Variants in DMD observed in about 807,000 individuals in gnomAD.
DMD encodes mutant dystrophin.
Under a neutral mutation model 330.1 loss-of-function variants are expected in DMD, and 63 were observed. The ratio of observed to expected loss-of-function variants is 0.19; its 90% CI spans 0.16 to 0.24. The LOEUF (loss-of-function observed/expected upper bound fraction) is 0.24. Ranked by LOEUF, DMD falls within the 10% of genes least tolerant of loss-of-function variation. The pLI is 1.00. For missense variants in DMD, 3,344 were observed against 2,684.1 expected (o/e 1.25, Z -5.43); for synonymous variants, 1,223 against 959.8 (o/e 1.27, Z -5.07).
chrX:33,019,604 A>C (rs987824968), intron 2 of DMD, among the ~76,000 whole-genome samples: 16 of 111,692 alleles, frequency 1.4e-4, no homozygotes, highest in African/African-American at 5.2e-4. Flanking sequence ...TTGATTAAAA[A>C]TTGAGTTGTA....
At chrX:32,501,937 G>T in intron 18 of DMD, 95 bp from the exon 19 acceptor site, 1 of 641,823 alleles carries the variant, frequency 1.6e-6, no homozygotes, top group Non-Finnish European at 2.5e-6. Context: ...GCCTTAAGAT[G>T]TTTCACTCTG....
At chrX:33,047,733 T>A (rs1264579498) in intron 1 of DMD, among the ~76,000 whole-genome samples, 7 of 112,152 alleles carry the variant, frequency 6.2e-5, no homozygotes, top group Admixed American at 3.8e-4. Flanking sequence ...TAATCTTTTT[T>A]AAAAACTTAG....
intron 44 of DMD, among the ~76,000 whole-genome samples, chrX:32,185,807 G>A (rs998491041): frequency 1.0e-4 from 11 of 110,007 alleles, no homozygotes; most frequent in African/African-American, 3.7e-4. Flanking sequence ...ATAATGTATA[G>A]CACAGAGACA....
chrX:32,829,259 A>G (rs778269369), intron 4 of DMD, among the ~76,000 whole-genome samples: 1 of 111,715 alleles, frequency 9.0e-6, no homozygotes, highest in South Asian at 3.7e-4. Flanking sequence ...TCATTTGTAA[A>G]GAATCCTACT....
At chrX:32,614,524 C>A in intron 11 of DMD, 71 bp from the exon 12 acceptor site, 1 of 923,066 alleles carries the variant, frequency 1.1e-6, no homozygotes, top group Non-Finnish European at 1.5e-6. Context: ...CAATGTAAAA[C>A]AATAGAATTT....
In DMD at chrX:32,362,926, T is replaced by C. The variant is rs1037540075; in HGVS notation, c.5187A>G (p.Pro1729=). The C allele has an allele frequency of 8.3e-7, 1 of 1,209,045 alleles. No individual in the cohort carries two copies. ...RLKAELNDIR[P]KVDSTRDQAA... is the part of the protein sequence containing the mutation. ...CTTGGTCACGTGTAGAGTCCACCTT[T>C]GGGCGTATGTCATTCAGTTCTGCCT... The change falls in exon 37 of 79, where the codon CCA becomes CCG. Residue 1729 remains proline, a synonymous_variant. Transcript: ENST00000357033.
chrX:33,045,534 T>C (rs1043163610), intron 1 of DMD, among the ~76,000 whole-genome samples: 29 of 110,882 alleles, frequency 2.6e-4, no homozygotes, highest in African/African-American at 9.2e-4. Flanking sequence ...CATAAACAGA[T>C]ATAGAAGAAT....
intron 61 of DMD, among the ~76,000 whole-genome samples, chrX:31,341,891 GCACACACACACA>G (rs58867858): frequency 0.063 from 6,194 of 98,811 alleles, 189 homozygotes; most frequent in Non-Finnish European, 0.088. Flanking sequence ...GTGCGCGCGC[GCACACACACACA>G]CACACACACA....
At chrX:31,517,180 G>A (rs1448664835) in intron 55 of DMD, among the ~76,000 whole-genome samples, 1 of 111,591 alleles carries the variant, frequency 9.0e-6, no homozygotes, top group Non-Finnish European at 1.9e-5. Flanking sequence ...TCTATAAGTA[G>A]GGCCGATAAT....
intron 21 of DMD, among the ~76,000 whole-genome samples, chrX:32,483,073 T>C (rs1281076465): frequency 9.9e-6 from 1 of 101,324 alleles, no homozygotes; most frequent in African/African-American, 3.5e-5. Context: ...CATACACATG[T>C]GCAATTATTT....
At chrX:32,250,146 G>A (rs192200479) in intron 43 of DMD, among the ~76,000 whole-genome samples, 130 of 110,604 alleles carry the variant, frequency 1.2e-3, no homozygotes, top group Non-Finnish European at 2.2e-3. Context: ...TCTCAATGGA[G>A]GATTTTTAGG....
intron 60 of DMD, among the ~76,000 whole-genome samples, chrX:31,379,257 G>A (rs998672591): frequency 9.0e-6 from 1 of 110,803 alleles, no homozygotes; most frequent in African/African-American, 3.3e-5. Flanking sequence ...CCTCACACCC[G>A]GTCCGGCTTA....
intron 30 of DMD, among the ~76,000 whole-genome samples, chrX:32,398,528 G>C (rs779225496): frequency 2.2e-4 from 24 of 110,757 alleles, no homozygotes; most frequent in African/African-American, 7.5e-4. Flanking sequence ...AAAATCTCCA[G>C]CAGAGAAGTA....
chrX:31,493,059 C>A (rs773350368), intron 57 of DMD, among the ~76,000 whole-genome samples: 3 of 111,784 alleles, frequency 2.7e-5, no homozygotes, highest in African/African-American at 9.8e-5. Flanking sequence ...AGTAGCTCTA[C>A]ACACTTTACA....
intron 59 of DMD, among the ~76,000 whole-genome samples, chrX:31,469,475 CTTT>C (rs752609715): frequency 2.4e-4 from 27 of 112,060 alleles, no homozygotes; most frequent in Middle Eastern, 4.6e-3. Flanking sequence ...AAATTCTTTT[CTTT>C]AAGAATGTTG....
At position 32,562,092 on chromosome X, in the gene DMD, T is replaced by C. The variant is rs781341243; in HGVS notation, c.1992+3610A>G. 9.9e-4 allele frequency among the ~76,000 whole-genome samples: 111 copies of C among 112,216 alleles called. 1 individual carries two copies. Among genetic ancestry groups the C allele is most frequent in the Middle Eastern group, 9.3e-3 (2 of 216 alleles). On this transcript the variant is annotated intron_variant, in intron 16 of 78. Coordinates refer to ENST00000357033, the MANE Select transcript of DMD (RefSeq NM_004006.3). ...GAAAAAACTGCACAAATTACAAGTA[T>C]GTTTATAAAAAATTACAGGGAATCA... is the stretch of plus-strand genomic sequence containing the variant.
chrX:33,153,841 T>G (rs1368081502), intron 1 of DMD, among the ~76,000 whole-genome samples: 3 of 112,024 alleles, frequency 2.7e-5, no homozygotes, highest in Non-Finnish European at 5.6e-5. Flanking sequence ...TCTCTTTTAA[T>G]AGATGAAAAA....
chrX:31,252,388 C>T (rs185811226), intron 63 of DMD, among the ~76,000 whole-genome samples: 2 of 111,924 alleles, frequency 1.8e-5, no homozygotes, highest in Non-Finnish European at 3.8e-5. Flanking sequence ...ACAGAGAACT[C>T]GGAGTTTGTA....
chrX:32,864,150 A>T (rs779140666), intron 2 of DMD, among the ~76,000 whole-genome samples: 1 of 111,339 alleles, frequency 9.0e-6, no homozygotes, highest in East Asian at 2.8e-4. Context: ...TACCTCATGT[A>T]TCAGAAAGAT....
Sources: allele counts gnomAD v4.1 joint callset (sites outside exome capture counted in the v4.1 genomes callset), GRCh38; gene constraint gnomAD v4.1.1; transcripts MANE v1.5; gene names NCBI Gene and HGNC (gene_info 2026-07-23, HGNC 2026-07-21).